ARAP2: variants seen among roughly 807,000 people sequenced by gnomAD.
ARAP2 encodes the protein ArfGAP with RhoGAP domain, ankyrin repeat and PH domain 2.
A neutral mutation model predicts 194.5 loss-of-function variants in ARAP2; 148 were observed. The ratio of observed to expected loss-of-function variants is 0.76; its 90% CI spans 0.67 to 0.87. ARAP2 has a LOEUF of 0.87. Among genes scored for constraint, ARAP2 ranks in the 40% least tolerant of loss-of-function variants. The pLI is 0.00. For synonymous variants in ARAP2, 695 were observed against 683.5 expected (o/e 1.02, Z -0.26); for missense variants, 2,128 against 1,989.7 (o/e 1.07, Z -1.32).
At chr4:36,102,669 G>C (rs1029867803) in intron 27 of ARAP2, among the ~76,000 whole-genome samples, 5 of 152,060 alleles carry the variant, frequency 3.3e-5, no homozygotes, top group South Asian at 2.1e-4. Flanking sequence ...TCCTGACCTA[G>C]AGTAGTCTAT....
chr4:36,137,391 A>G (rs1208031460), intron 19 of ARAP2, among the ~76,000 whole-genome samples: 1 of 151,878 alleles, frequency 6.6e-6, no homozygotes, highest in African/African-American at 2.4e-5. Context: ...CAGAGAATGC[A>G]TAATCGCACA....
At chr4:36,190,760 A>G (rs1161188658) in intron 7 of ARAP2, among the ~76,000 whole-genome samples, 2 of 152,192 alleles carry the variant, frequency 1.3e-5, no homozygotes, top group Non-Finnish European at 2.9e-5. Context: ...GGCAATGGCT[A>G]GGGAGGCTCA....
At chr4:36,064,316 C>A, downstream of ARAP2, among the ~76,000 whole-genome samples, 1 of 151,950 alleles carries the variant, frequency 6.6e-6, no homozygotes. Flanking sequence ...GGAAATAAGC[C>A]ACCTCTGACC....
chr4:36,131,235 T>C (rs1725368842), intron 20 of ARAP2, among the ~76,000 whole-genome samples: 1 of 151,438 alleles, frequency 6.6e-6, no homozygotes, highest in South Asian at 2.1e-4. Context: ...AATATATATA[T>C]GATATAAACA....
intron 31 of ARAP2, among the ~76,000 whole-genome samples, chr4:36,079,803 T>A (rs1251852190): frequency 6.6e-6 from 1 of 152,134 alleles, no homozygotes; most frequent in Non-Finnish European, 1.5e-5. Flanking sequence ...GAAAAGTAGG[T>A]TCCTGTCCTT....
At chr4:36,011,278 A>G (rs1560258532) in intron 9 of ARAP2, among the ~76,000 whole-genome samples, 1 of 152,140 alleles carries the variant, frequency 6.6e-6, no homozygotes, top group Non-Finnish European at 1.5e-5. Flanking sequence ...TTCAAGTCTT[A>G]TAAGGGAACG....
intron 5 of ARAP2, among the ~76,000 whole-genome samples, chr4:36,022,943 A>C (rs1438948877): frequency 6.6e-6 from 1 of 152,174 alleles, no homozygotes; most frequent in African/African-American, 2.4e-5. Flanking sequence ...AAATCCAAGA[A>C]ACTATATGAA....
intron 10 of ARAP2, 42 bp from the exon 11 acceptor site, chr4:36,165,155 A>T (rs187830090): frequency 7.3e-5 from 116 of 1,587,344 alleles, no homozygotes; most frequent in Non-Finnish European, 9.4e-5. Flanking sequence ...CTCCCTTGTA[A>T]AGGCCAATTA....
rs1223144823 is a variant in ARAP2, at chr4:36,133,262, T to C, written c.3391A>G (p.Ile1131Val). The change falls in exon 20 of 33, where the codon ATA (isoleucine) becomes GTA (valine). Residue 1131 changes from isoleucine to valine, a missense_variant. Coordinates refer to ENST00000303965, the MANE Select transcript of ARAP2 (RefSeq NM_015230.4). Reference protein sequence around the residue: ...QQLSKNDVPIIVNSCIAFVTQ... With the variant: ...QQLSKNDVPIVVNSCIAFVTQ... The stretch of plus-strand genomic sequence containing the variant: ...ACAAATGCTATACAGCTGTTCACTA[T>C]AATGGGAACGTCATTTTTGCTGAGC... 3 of 1,611,064 alleles carry C rather than the reference T, an allele frequency of 1.9e-6. No homozygotes were observed. The highest frequency in any genetic ancestry group is 2.2e-5 in the South Asian group (2 of 91,030).
chr4:36,109,824 T>G (rs1560449625), intron 26 of ARAP2, among the ~76,000 whole-genome samples: 1 of 150,920 alleles, frequency 6.6e-6, no homozygotes, highest in Non-Finnish European at 1.5e-5. Flanking sequence ...TAACTCATCA[T>G]TTACATTAGG....
intron 5 of ARAP2, among the ~76,000 whole-genome samples, chr4:36,025,421 C>T (rs528967964): frequency 5.9e-5 from 9 of 152,286 alleles, no homozygotes; most frequent in Middle Eastern, 6.8e-3. Flanking sequence ...ACCTGCTAAA[C>T]AACCTTTACT....
At chr4:36,038,474 A>G (rs933200993) in intron 5 of ARAP2, among the ~76,000 whole-genome samples, 2 of 152,176 alleles carry the variant, frequency 1.3e-5, no homozygotes, top group African/African-American at 4.8e-5. Context: ...AAAGACCCTG[A>G]CAATATGTCT....
In ARAP2 at chr4:36,160,445, G is replaced by A; in HGVS notation, c.2442+14C>T. On this transcript the variant is annotated intron_variant, in intron 13 of 32. Transcript: ENST00000303965. ...CATTAAAATCCACGTCTGCTGTTAT[G>A]TTTAATTGAATACCTTATTTAATTC... is the stretch of plus-strand genomic sequence containing the variant. The A allele has an allele frequency of 1.3e-6, 2 of 1,524,774 alleles. No homozygotes were observed. The highest frequency in any genetic ancestry group is 1.7e-6 in the Non-Finnish European group (2 of 1,142,906). The allele number at this position is 1,524,774 out of a possible 1,614,324, so 94.5% of individuals were successfully genotyped here.
At chr4:36,162,548 G>T (rs1435856064) in intron 11 of ARAP2, among the ~76,000 whole-genome samples, 1 of 150,090 alleles carries the variant, frequency 6.7e-6, no homozygotes, top group Non-Finnish European at 1.5e-5. Context: ...AGGGCCCTTT[G>T]TCTAATGAAC....
At chr4:36,103,405 A>G (rs1717548067) in intron 27 of ARAP2, among the ~76,000 whole-genome samples, 1 of 151,562 alleles carries the variant, frequency 6.6e-6, no homozygotes, top group Non-Finnish European at 1.5e-5. Flanking sequence ...GCCTTACAGA[A>G]GCTATACATT....
chr4:36,240,917 A>G (rs1560752749), intron 1 of ARAP2, among the ~76,000 whole-genome samples: 1 of 152,228 alleles, frequency 6.6e-6, no homozygotes, highest in Non-Finnish European at 1.5e-5. Flanking sequence ...TTAGTAGCAT[A>G]GGAGGTACCT....
chr4:36,151,194 G>A (rs2109725854), intron 15 of ARAP2, 150 bp from the exon 16 acceptor site: 1 of 713,242 alleles, frequency 1.4e-6, no homozygotes, highest in African/African-American at 1.8e-5. Context: ...TTGCTGCATG[G>A]GATATAAAGT....
At chr4:36,075,952 T>A (rs2109326533) in intron 31 of ARAP2, among the ~76,000 whole-genome samples, 1 of 152,280 alleles carries the variant, frequency 6.6e-6, no homozygotes, top group South Asian at 2.1e-4. Flanking sequence ...CTCCTTTGCC[T>A]CTGCCCTTAC....
intron 8 of ARAP2, among the ~76,000 whole-genome samples, chr4:36,185,117 A>T (rs1261389686): frequency 6.6e-6 from 1 of 152,226 alleles, no homozygotes; most frequent in Non-Finnish European, 1.5e-5. Context: ...CTGAGTGTGA[A>T]TGAATGAGAA....
Sources: gnomAD v4.1 joint callset for allele counts (sites outside exome capture counted in the v4.1 genomes callset) on GRCh38, gnomAD v4.1.1 for gene constraint, MANE v1.5 for transcripts, NCBI Gene and HGNC (gene_info 2026-07-23, HGNC 2026-07-21) for gene names.